FLYWCH2: variants seen among roughly 807,000 people sequenced by gnomAD.
The protein encoded by FLYWCH2 is FLYWCH family member 2.
In FLYWCH2, 2 loss-of-function variants were observed where a neutral mutation model predicts 6.0. The ratio of observed to expected loss-of-function variants is 0.33; its 90% CI spans 0.14 to 1.04. FLYWCH2 has a LOEUF of 1.04. Ranked by LOEUF, FLYWCH2 falls within the 50% of genes least tolerant of loss-of-function variation. FLYWCH2 has a pLI of 0.45. For missense variants in FLYWCH2, 192 were observed against 183.4 expected (o/e 1.05, Z -0.27); for synonymous variants, 87 against 79.3 (o/e 1.10, Z -0.52).
chr16:2,894,570 C>T (rs2069796147), intron 1 of FLYWCH2, among the ~76,000 whole-genome samples: 1 of 152,198 alleles, frequency 6.6e-6, no homozygotes, highest in South Asian at 2.1e-4. Context: ...ATGAGCAGAG[C>T]CGGAAGGGCC....
intron 1 of FLYWCH2, among the ~76,000 whole-genome samples, chr16:2,889,424 A>T (rs568214611): frequency 7.4e-4 from 112 of 151,784 alleles, no homozygotes; most frequent in African/African-American, 2.5e-3. Flanking sequence ...GTTAGCCAGG[A>T]TGGTCTCAAT....
At chr16:2,891,282 T>A (rs1415922090) in intron 1 of FLYWCH2, among the ~76,000 whole-genome samples, 1 of 152,160 alleles carries the variant, frequency 6.6e-6, no homozygotes, top group African/African-American at 2.4e-5. Flanking sequence ...AATAGGACTT[T>A]TTTTCCTGAC....
chr16:2,894,894 T>C (rs1465771249), intron 1 of FLYWCH2, among the ~76,000 whole-genome samples: 1 of 152,042 alleles, frequency 6.6e-6, no homozygotes, highest in African/African-American at 2.4e-5. Context: ...GACAGACGCA[T>C]TGGGAGGGGT....
chr16:2,884,836 T>C (rs2069680706), intron 1 of FLYWCH2, among the ~76,000 whole-genome samples: 1 of 150,856 alleles, frequency 6.6e-6, no homozygotes, highest in Non-Finnish European at 1.5e-5. Flanking sequence ...GTCGCGCCAC[T>C]GCACTCCAGC....
At chr16:2,895,040 G>C (rs1437455852) in intron 1 of FLYWCH2, among the ~76,000 whole-genome samples, 180 bp from the exon 2 acceptor site, 1 of 152,072 alleles carries the variant, frequency 6.6e-6, no homozygotes, top group African/African-American at 2.4e-5. Context: ...TTGTGTCTAG[G>C]CTAAAACTGT....
chr16:2,894,878 C>T lies in FLYWCH2; in HGVS notation c.-199-342C>T, dbSNP rs76769494. Among the ~76,000 whole-genome samples the T allele has an allele frequency of 1.1e-3, 172 of 152,254 alleles. 2 individuals carry two copies. In the East Asian group the frequency reaches 0.032, roughly 28 times the overall value. On this transcript the variant is annotated intron_variant, in intron 1 of 3. Coordinates refer to ENST00000396958, the MANE Select transcript of FLYWCH2 (RefSeq NM_138439.3). ...AGCGCCAGGGTGCTGGGCATGGACC[C>T]CTCAGGACAGACGCATTGGGAGGGG...
rs751482839 is a variant in FLYWCH2, at chr16:2,896,417, G to A, written c.-33G>A. The A allele has an allele frequency of 1.9e-6, 3 of 1,580,606 alleles. No homozygotes were observed. The highest frequency in any genetic ancestry group is 2.7e-5 in the African/African-American group (2 of 74,200). On this transcript the variant is annotated 5_prime_UTR_variant, in exon 3 of 4. It adds an upstream start codon to the 5' untranslated region. Transcript: ENST00000396958. ...GAGAAATCCACCTGCTGGGGGCTGA[G>A]TGTGGCCTGAGGGACAGGCCCTGGG... is the stretch of plus-strand genomic sequence containing the variant.
At chr16:2,892,292 C>T (rs1017886585) in intron 1 of FLYWCH2, among the ~76,000 whole-genome samples, 1 of 148,676 alleles carries the variant, frequency 6.7e-6, no homozygotes, top group Non-Finnish European at 1.5e-5. Context: ...GTCAGGAGTT[C>T]GAGACCAGCT....
intron 3 of FLYWCH2, 118 bp downstream of exon 3, chr16:2,896,889 G>A (rs772244777): frequency 1.0e-5 from 10 of 996,286 alleles, no homozygotes; most frequent in Non-Finnish European, 8.7e-6. Flanking sequence ...CCCTGACTTT[G>A]ACCACGTGTG....
intron 2 of FLYWCH2, among the ~76,000 whole-genome samples, chr16:2,895,983 AT>A (rs552323633): frequency 6.6e-5 from 10 of 152,336 alleles, no homozygotes; most frequent in Admixed American, 2.6e-4. Flanking sequence ...GCCTGCTGTC[AT>A]AACAGGGGTG....
intron 3 of FLYWCH2, 123 bp downstream of exon 3, chr16:2,896,894 CGT>C (rs1567306696): frequency 1.1e-6 from 1 of 948,586 alleles, no homozygotes; most frequent in East Asian, 2.6e-5. Context: ...ACTTTGACCA[CGT>C]GTGGAGAGCA....
chr16:2,890,997 C>G (rs1267348693), intron 1 of FLYWCH2, among the ~76,000 whole-genome samples: 2 of 152,220 alleles, frequency 1.3e-5, no homozygotes, highest in Non-Finnish European at 2.9e-5. Flanking sequence ...TTTGTCCCTT[C>G]TCCAACATTT....
intron 1 of FLYWCH2, 78 bp from the exon 2 acceptor site, chr16:2,895,142 G>T (rs2069804094): frequency 6.6e-6 from 1 of 152,192 alleles, no homozygotes; most frequent in African/African-American, 2.4e-5. Flanking sequence ...CCCCAGTCCT[G>T]AGGTGCTGCA....
At chr16:2,891,205 A>T (rs2069753306) in intron 1 of FLYWCH2, among the ~76,000 whole-genome samples, 1 of 152,118 alleles carries the variant, frequency 6.6e-6, no homozygotes, top group Admixed American at 6.5e-5. Context: ...CCAGGGACAG[A>T]GTGGAGTGAT....
In FLYWCH2 at chr16:2,899,086, G is replaced by A. The variant is rs146456984; in HGVS notation, c.360G>A (p.Gly120=). 3 of 1,613,600 alleles carry A rather than the reference G, an allele frequency of 1.9e-6. No individual in the cohort carries two copies. Among genetic ancestry groups the A allele is most frequent in the Admixed American group, 3.3e-5 (2 of 59,950 alleles). ...CAGAAGACAGTGGATTAGCAGCGGG[G>A]CCTCCTGAGGCTGCTGGGGAGAACT... ...DRTEDSGLAA[G]PPEAAGENFA... The change falls in exon 4 of 4, where the codon GGG becomes GGA. Residue 120 remains glycine (G), a synonymous_variant. Transcript: ENST00000396958.
intron 2 of FLYWCH2, 56 bp from the exon 3 acceptor site, chr16:2,896,296 C>G (rs925743664): frequency 2.0e-6 from 2 of 991,868 alleles, no homozygotes; most frequent in African/African-American, 1.6e-5. Flanking sequence ...CCCAGATCCA[C>G]GTCTAGAGCC....
chr16:2,893,880 C>T (rs2069787420), intron 1 of FLYWCH2, among the ~76,000 whole-genome samples: 1 of 151,862 alleles, frequency 6.6e-6, no homozygotes, highest in East Asian at 1.9e-4. Context: ...CCTTGTGATC[C>T]GCCCGCCTCG....
intron 1 of FLYWCH2, among the ~76,000 whole-genome samples, chr16:2,884,919 G>A (rs987479683): frequency 2.0e-5 from 3 of 151,946 alleles, no homozygotes; most frequent in Non-Finnish European, 4.4e-5. Flanking sequence ...CTTAGGGATA[G>A]TGACATTGGG....
chr16:2,888,076 T>A (rs1222522660), intron 1 of FLYWCH2, among the ~76,000 whole-genome samples: 14 of 152,090 alleles, frequency 9.2e-5, no homozygotes, highest in Non-Finnish European at 1.9e-4. Flanking sequence ...TGGCGTGATC[T>A]CGGCTCACTG....
Sources: gnomAD v4.1 joint callset for allele counts (sites outside exome capture counted in the v4.1 genomes callset) on GRCh38, gnomAD v4.1.1 for gene constraint, MANE v1.5 for transcripts, NCBI Gene and HGNC (gene_info 2026-07-23, HGNC 2026-07-21) for gene names.